ZNF804B: variants seen among roughly 807,000 people sequenced by gnomAD.
ZNF804B encodes the protein zinc finger protein 804B.
Under a neutral mutation model 101.4 loss-of-function variants are expected in ZNF804B, and 80 were observed. That is an observed-to-expected ratio of 0.79 (90% confidence interval 0.66 to 0.95). ZNF804B has a LOEUF of 0.95. Ranked by LOEUF, ZNF804B falls within the 40% of genes least tolerant of loss-of-function variation. ZNF804B has a pLI of 0.00. For missense variants in ZNF804B, 1,673 were observed against 1,561.9 expected (o/e 1.07, Z -1.20); for synonymous variants, 622 against 558.8 (o/e 1.11, Z -1.59).
chr7:89,337,595 T>C lies in ZNF804B; in HGVS notation c.*563T>C, dbSNP rs892083879. 2.0e-5 allele frequency among the ~76,000 whole-genome samples: 3 copies of C among 152,136 alleles called. No homozygotes were observed. The highest frequency in any genetic ancestry group is 4.4e-5 in the Non-Finnish European group (3 of 67,990). ...TGATTAATTTAGGTTGAAAATTACA[T>C]TTTAATGAAAAACAATCTTTATAGA... On this transcript the variant is annotated 3_prime_UTR_variant, in exon 4 of 4. Transcript: ENST00000333190.
chr7:88,870,386 A>G (rs1791803114), intron 1 of ZNF804B, among the ~76,000 whole-genome samples: 1 of 109,330 alleles, frequency 9.1e-6, no homozygotes, highest in Admixed American at 9.2e-5. Flanking sequence ...CTCCGTCTCA[A>G]AAAAAAAAAA....
Position 89,333,637 on chromosome 7 carries a change from G to GT in ZNF804B, c.656dup (p.Ser220IlefsTer21). On this transcript the variant is annotated frameshift_variant, in exon 4 of 4. Transcript: ENST00000333190. LOFTEE classifies it high-confidence loss of function. ...CAGCAATGCAAATCACAGAACAGGA[G>GT]TATCATTTACTTTTTCCAAAAAAGT... 1.9e-6 allele frequency: 3 copies of GT among 1,613,506 alleles called. No individual in the cohort carries two copies. Among genetic ancestry groups the GT allele is most frequent in the Non-Finnish European group, 2.5e-6 (3 of 1,179,686 alleles).
At chr7:89,174,875 A>G (rs952460613) in intron 1 of ZNF804B, among the ~76,000 whole-genome samples, 2 of 152,024 alleles carry the variant, frequency 1.3e-5, no homozygotes, top group African/African-American at 4.8e-5. Flanking sequence ...ACATACCTGT[A>G]TGCCATGTTT....
chr7:88,924,913 T>A (rs972511457), intron 1 of ZNF804B, among the ~76,000 whole-genome samples: 15 of 152,320 alleles, frequency 9.8e-5, no homozygotes, highest in African/African-American at 2.9e-4. Context: ...ATAAATAATT[T>A]GTTTTTTGTT....
At chr7:89,186,985 A>G (rs977293974) in intron 1 of ZNF804B, among the ~76,000 whole-genome samples, 3 of 152,142 alleles carry the variant, frequency 2.0e-5, no homozygotes, top group Non-Finnish European at 4.4e-5. Context: ...TTTCTAATCT[A>G]AATCTTTCCA....
chr7:88,952,420 A>G (rs376510155), intron 1 of ZNF804B, among the ~76,000 whole-genome samples: 2 of 151,798 alleles, frequency 1.3e-5, no homozygotes, highest in East Asian at 2.0e-4. Flanking sequence ...TAGGAAAACC[A>G]TGTTACAATT....
intron 2 of ZNF804B, among the ~76,000 whole-genome samples, chr7:89,322,992 G>A (rs968778588): frequency 2.0e-5 from 3 of 152,156 alleles, no homozygotes; most frequent in African/African-American, 7.2e-5. Context: ...CAATATAATA[G>A]TATTATGAAG....
At position 88,776,560 on chromosome 7, in the gene ZNF804B, G is replaced by GTTTTTTTTTTT. The variant is rs57733765; in HGVS notation, c.108+16487_108+16497dup. Among the ~76,000 whole-genome samples the GTTTTTTTTTTT allele has an allele frequency of 2.1e-4, 16 of 75,100 alleles. 1 individual carries two copies. In the East Asian group the frequency reaches 2.6e-3, roughly 12 times the overall value. The allele number at this position is 75,100 out of a possible 152,430, so 49.3% of individuals were successfully genotyped here. On this transcript the variant is annotated intron_variant, in intron 1 of 3. Coordinates refer to ENST00000333190, the MANE Select transcript of ZNF804B (RefSeq NM_181646.5). ...GCTTTTCTATTTCTCGTGGTGTTTT[G>GTTTTTTTTTTT]TTTTTTTTTTTTTTTTTTTTTCAGA...
intron 2 of ZNF804B, among the ~76,000 whole-genome samples, chr7:89,238,263 G>A (rs1231281307): frequency 6.6e-6 from 1 of 152,066 alleles, no homozygotes; most frequent in Non-Finnish European, 1.5e-5. Flanking sequence ...GATGTCTGAT[G>A]TTGATTTTAT....
chr7:89,181,754 T>C (rs1313978151), intron 1 of ZNF804B, among the ~76,000 whole-genome samples: 3 of 152,194 alleles, frequency 2.0e-5, no homozygotes, highest in Non-Finnish European at 2.9e-5. Context: ...AAGGATTCTA[T>C]TTAGCCATCT....
intron 1 of ZNF804B, among the ~76,000 whole-genome samples, chr7:89,175,244 G>A (rs1175256036): frequency 6.6e-6 from 1 of 151,706 alleles, no homozygotes; most frequent in African/African-American, 2.4e-5. Context: ...ATTTTGTTTT[G>A]ATTTTTTCAT....
intron 1 of ZNF804B, chr7:88,794,739 G>A (rs752151738): frequency 6.2e-7 from 1 of 1,613,408 alleles, no homozygotes; most frequent in Non-Finnish European, 8.5e-7. Flanking sequence ...TTTGTTCATA[G>A]TAGTCAGCAA....
intron 1 of ZNF804B, among the ~76,000 whole-genome samples, chr7:89,003,465 A>G (rs916305639): frequency 1.3e-5 from 2 of 152,022 alleles, no homozygotes; most frequent in African/African-American, 4.8e-5. Context: ...AGGCACATCA[A>G]CAGAGAGGAG....
intron 1 of ZNF804B, among the ~76,000 whole-genome samples, chr7:88,969,544 C>T (rs556303281): frequency 6.6e-5 from 10 of 151,576 alleles, no homozygotes; most frequent in African/African-American, 2.4e-4. Context: ...TTTTTTTCTT[C>T]CATCCCCACT....
chr7:88,780,204 A>T (rs1002870131), intron 1 of ZNF804B, among the ~76,000 whole-genome samples: 3 of 151,986 alleles, frequency 2.0e-5, no homozygotes, highest in African/African-American at 7.2e-5. Flanking sequence ...AGAAAAGGGA[A>T]CCCTTGTACA....
chr7:88,957,514 C>T (rs1793327982), intron 1 of ZNF804B, among the ~76,000 whole-genome samples: 1 of 151,150 alleles, frequency 6.6e-6, no homozygotes, highest in South Asian at 2.1e-4. Context: ...CAGAGATTAT[C>T]AAACACATGA....
At chr7:89,029,105 ATTTG>A (rs1267266512) in intron 1 of ZNF804B, among the ~76,000 whole-genome samples, 4 of 152,000 alleles carry the variant, frequency 2.6e-5, no homozygotes, top group Non-Finnish European at 4.4e-5. Context: ...AAAAGCTAAT[ATTTG>A]TTTGTTTGTT....
intron 2 of ZNF804B, among the ~76,000 whole-genome samples, chr7:89,282,212 A>AT (rs2115873250): frequency 6.6e-6 from 1 of 151,642 alleles, no homozygotes; most frequent in Non-Finnish European, 1.5e-5. Flanking sequence ...AAAAAAAAAA[A>AT]AAAAAAATGT....
intron 1 of ZNF804B, among the ~76,000 whole-genome samples, chr7:88,964,587 C>T (rs751034778): frequency 1.3e-5 from 2 of 151,392 alleles, no homozygotes; most frequent in Non-Finnish European, 3.0e-5. Flanking sequence ...CTGAAAATTT[C>T]TGGAGATAAA....
Sources: allele counts gnomAD v4.1 joint callset (sites outside exome capture counted in the v4.1 genomes callset), GRCh38; gene constraint gnomAD v4.1.1; transcripts MANE v1.5; gene names NCBI Gene and HGNC (gene_info 2026-07-23, HGNC 2026-07-21).